The following STARD7 variants were observed in gnomAD, a reference collection of about 807,000 sequenced individuals.
The protein encoded by STARD7 is StAR related lipid transfer domain containing 7, also known as stAR-related lipid transfer protein 7, mitochondrial.
In STARD7, 30 loss-of-function variants were observed where a neutral mutation model predicts 45.3. The ratio of observed to expected loss-of-function variants is 0.66; its 90% confidence interval spans 0.50 to 0.90. The LOEUF (loss-of-function observed/expected upper bound fraction) is 0.90. Among genes scored for constraint, STARD7 ranks in the 40% least tolerant of loss-of-function variants. The probability of loss-of-function intolerance (pLI) is 0.00; values close to 1 mark genes in which losing one functional copy is unlikely to be tolerated. For synonymous variants in STARD7, 199 were observed against 183.0 expected (o/e 1.09, Z -0.70); for missense variants, 495 against 491.3 (o/e 1.01, Z -0.07).
chr2:96,195,336 C>A lies in STARD7; in HGVS notation c.499+5G>T, dbSNP rs371104189. Reference sequence around the variant, plus strand: ...GAACCCAAAAGATAGCCACACTGGGCTCACCTCGGTACTGGTAAAGGTGGG... The same window carrying A: ...GAACCCAAAAGATAGCCACACTGGGATCACCTCGGTACTGGTAAAGGTGGG... On this transcript the variant is annotated splice_donor_5th_base_variant and intron_variant, in intron 2 of 7. Coordinates refer to ENST00000337288, the MANE Select transcript of STARD7 (RefSeq NM_020151.4). 1.3e-6 allele frequency: 2 copies of A among 1,560,708 alleles called. No individual in the cohort carries two copies. The highest frequency in any genetic ancestry group is 1.7e-6 in the Non-Finnish European group (2 of 1,152,416).
At chr2:96,188,947 TG>T (rs1440712818) in intron 6 of STARD7, among the ~76,000 whole-genome samples, 56 of 151,044 alleles carry the variant, frequency 3.7e-4, no homozygotes, top group African/African-American at 1.3e-3. Flanking sequence ...ACACTTTGGG[TG>T]TTTTTTTTTT....
chr2:96,189,421 G>C (rs934760705), intron 6 of STARD7, among the ~76,000 whole-genome samples: 12 of 151,814 alleles, frequency 7.9e-5, no homozygotes, highest in African/African-American at 2.7e-4. Context: ...ATCTTAGCTG[G>C]GGGCTGGGCA....
intron 1 of STARD7, among the ~76,000 whole-genome samples, chr2:96,201,506 T>C (rs547896747): frequency 5.6e-4 from 85 of 151,462 alleles, no homozygotes; most frequent in African/African-American, 2.0e-3. Context: ...GAGAATCACC[T>C]GAGCCCTGGA....
intron 1 of STARD7, among the ~76,000 whole-genome samples, chr2:96,196,287 A>T (rs1177799387): frequency 1.3e-5 from 2 of 152,016 alleles, no homozygotes; most frequent in African/African-American, 4.8e-5. Context: ...ACACAGTGAG[A>T]CCCTACCTCT....
Position 96,208,294 on chromosome 2 carries a change from G to C in STARD7, c.141C>G (p.Arg47=), listed in dbSNP as rs907474556. The C allele has an allele frequency of 3.7e-6, 6 of 1,610,130 alleles. No individual in the cohort carries two copies. Among genetic ancestry groups the C allele is most frequent in the Non-Finnish European group, 5.1e-6 (6 of 1,179,014 alleles). The change falls in exon 1 of 8, where the codon CGC becomes CGG. Residue 47 remains arginine, a synonymous_variant. Transcript: ENST00000337288. ...CGCGGCGTGAGCTCTCGGAGTAGAG[G>C]CGGCCGTAGAGCTGCGCGATCTGCT... ...RAQQIAQLYG[R]LYSESSRRVL... is the part of the protein sequence containing the mutation.
At position 96,195,519 on chromosome 2, in the gene STARD7, T is replaced by G. The variant is rs1306572301; in HGVS notation, c.321A>C (p.Glu107Asp). 1.2e-6 allele frequency: 2 copies of G among 1,613,738 alleles called. No individual in the cohort carries two copies. Among genetic ancestry groups the G allele is most frequent in the African/African-American group, 1.3e-5 (1 of 75,032 alleles). ...CAGAGCTCTGAAACATATTTGACAT[T>G]TCTTCCAACCGCTTCATCTCATTAA... ...RSINEMKRLE[E>D]MSNMFQSSGV... The change falls in exon 2 of 8, where the codon GAA (glutamate) becomes GAC (aspartate). Residue 107 changes from glutamate (E) to aspartate (D), a missense_variant. Transcript: ENST00000337288.
Position 96,208,264 on chromosome 2 carries a change from G to C in STARD7, c.171C>G (p.Leu57=). 1 of 1,611,860 alleles carries C rather than the reference G, an allele frequency of 6.2e-7. No individual in the cohort carries two copies. Residue 57 remains leucine (L), a synonymous_variant, in exon 1 of 8, where the codon CTC becomes CTG. Transcript: ENST00000337288. ...GCAGCCGGCGCCAGAGGCGGCCGAG[G>C]AGAACGCGGCGTGAGCTCTCGGAGT... ...RLYSESSRRV[L]LGRLWRRLHG...
chr2:96,206,131 C>A (rs1573948306), intron 1 of STARD7, among the ~76,000 whole-genome samples: 1 of 152,278 alleles, frequency 6.6e-6, no homozygotes, highest in East Asian at 1.9e-4. Context: ...ATGAACTGGT[C>A]TGATCTCTCT....
intron 6 of STARD7, chr2:96,187,995 C>G (rs1683063400): frequency 6.6e-6 from 1 of 151,812 alleles, no homozygotes; most frequent in Non-Finnish European, 1.5e-5. Flanking sequence ...TGGGTGTTGG[C>G]TGGGCGTGGT....
In STARD7 at chr2:96,194,995, T is replaced by C. The variant is rs2104184616; in HGVS notation, c.512A>G (p.Tyr171Cys). The stretch of plus-strand genomic sequence containing the variant: ...GAACTGCCGAGGTGTCACATCTGTG[T>C]AGGTTCCAAAAACTAGAATGAAAAG... ...HLYQYRVFGT[Y>C]TDVTPRQFFN... The change falls in exon 3 of 8, where the codon TAC (tyrosine) becomes TGC (cysteine). Residue 171 changes from tyrosine to cysteine, a missense_variant. Transcript: ENST00000337288. The C allele has an allele frequency of 2.5e-6, 4 of 1,609,890 alleles. No individual in the cohort carries two copies. Among genetic ancestry groups the C allele is most frequent in the East Asian group, 4.5e-5 (2 of 44,826 alleles).
At chr2:96,204,749 C>CAAAAAAAAAAAAAAAAAAAAAA (rs397959036) in intron 1 of STARD7, among the ~76,000 whole-genome samples, 1 of 96,144 alleles carries the variant, frequency 1.0e-5, no homozygotes, top group Admixed American at 1.1e-4. Context: ...TGACAATGGC[C>CAAAAAAAAAAAAAAAAAAAAAA]AAAAAAAAAA....
chr2:96,198,233 G>A (rs1683254408), intron 1 of STARD7, among the ~76,000 whole-genome samples: 1 of 151,598 alleles, frequency 6.6e-6, no homozygotes, highest in Non-Finnish European at 1.5e-5. Flanking sequence ...TGAGACAGGA[G>A]AATTGCTTGA....
intron 1 of STARD7, among the ~76,000 whole-genome samples, chr2:96,196,883 G>A (rs981073751): frequency 1.3e-5 from 2 of 150,470 alleles, no homozygotes; most frequent in South Asian, 2.1e-4. Context: ...CCTAACCAAC[G>A]TGGAGAAACC....
rs991379821 is a variant in STARD7 at position 96,187,057 on chromosome 2, C to T, written c.929-143G>A. 7.5e-6 allele frequency: 7 copies of T among 928,294 alleles called. No homozygotes were observed. The African/African-American group carries it at 1.2e-4, about 16-fold the overall frequency. 57.5% of individuals were successfully genotyped at this position (928,294 alleles called of 1,614,324 possible). A position where few individuals can be genotyped will look rare whatever the true frequency, so the allele number is the denominator to read the frequency against. Reference sequence around the variant, plus strand: ...TGACTAGCCTGTGAATAAGAGCTGCCTCCCGGAATGTGTTCCCAAAGCATG... The same window carrying T: ...TGACTAGCCTGTGAATAAGAGCTGCTTCCCGGAATGTGTTCCCAAAGCATG... On this transcript the variant is annotated intron_variant, in intron 7 of 7. Coordinates refer to ENST00000337288, the MANE Select transcript of STARD7 (RefSeq NM_020151.4).
intron 1 of STARD7, among the ~76,000 whole-genome samples, chr2:96,203,268 C>T (rs968667331): frequency 2.6e-5 from 4 of 152,178 alleles, no homozygotes; most frequent in Admixed American, 2.6e-4. Context: ...TAAACCTTCA[C>T]ATCTTAAGAG....
At position 96,193,291 on chromosome 2, in the gene STARD7, C is replaced by G; in HGVS notation, c.611G>C (p.Arg204Thr). ...ALVIKLEVIE[R>T]DVVSGSEVLH... ...AACCTCGGAACCACTAACCACATCC[C>G]TCTCAATCACCTCCAGCTTGATTAC... Residue 204 changes from arginine to threonine, a missense_variant, in exon 4 of 8, where the codon AGG becomes ACG. Around this residue, in one of 2 missense-constraint regions of STARD7, gnomAD observed 213 missense variants for 271.2 expected, o/e 0.79. Transcript: ENST00000337288. 6.2e-7 allele frequency: 1 copy of G among 1,613,926 alleles called. No homozygotes were observed. The highest frequency in any genetic ancestry group is 8.5e-7 in the Non-Finnish European group (1 of 1,179,834).
chr2:96,185,997 G>C lies in STARD7; in HGVS notation c.*733C>G, dbSNP rs1040949750. ...AGGCAATGATCCAATGAATATAGAA[G>C]AACTGGCCGATTCACAGGAAACTTG... is the stretch of plus-strand genomic sequence containing the variant. On this transcript the variant is annotated 3_prime_UTR_variant, in exon 8 of 8. Coordinates refer to ENST00000337288, the MANE Select transcript of STARD7 (RefSeq NM_020151.4). 2.6e-5 allele frequency: 4 copies of C among 152,106 alleles called. No individual in the cohort carries two copies. The highest frequency in any genetic ancestry group is 4.4e-5 in the Non-Finnish European group (3 of 68,022). The allele number at this position is 152,106 out of a possible 1,614,324, so 9.4% of individuals were successfully genotyped here.
chr2:96,192,181 G>A (rs1683134922), intron 6 of STARD7, among the ~76,000 whole-genome samples, 188 bp downstream of exon 6: 1 of 152,124 alleles, frequency 6.6e-6, no homozygotes, highest in Non-Finnish European at 1.5e-5. Context: ...CTTTGTCCTT[G>A]GGGAACTTCC....
Position 96,195,366 on chromosome 2 carries a change from T to G in STARD7, c.474A>C (p.Thr158=). Reference sequence around the variant, plus strand: ...CTCGGTACTGGTAAAGGTGGGTGCCTGTAATTGGGCGCCGCCACAGCTTAA... The same window carrying G: ...CTCGGTACTGGTAAAGGTGGGTGCCGGTAATTGGGCGCCGCCACAGCTTAA... ...KHFKLWRRPI[T]GTHLYQYRVF... Residue 158 remains threonine (T), a synonymous_variant, in exon 2 of 8, where the codon ACA becomes ACC. Transcript: ENST00000337288. 1 of 1,583,828 alleles carries G rather than the reference T, an allele frequency of 6.3e-7. No homozygotes were observed.
Sources: allele counts gnomAD v4.1 joint callset (sites outside exome capture counted in the v4.1 genomes callset), GRCh38; gene constraint gnomAD v4.1.1; regional missense constraint gnomAD v4.1.1; transcripts MANE v1.5; gene names NCBI Gene and HGNC (gene_info 2026-07-23, HGNC 2026-07-21).